PALLD: variants seen among roughly 807,000 people sequenced by gnomAD.
PALLD encodes the protein palladin.
PALLD carries 61 observed loss-of-function variants against 123.5 expected under a neutral mutation model. The ratio of observed to expected loss-of-function variants is 0.49; its 90% CI spans 0.40 to 0.61. PALLD has a LOEUF of 0.61. Among genes scored for constraint, PALLD ranks in the 20% least tolerant of loss-of-function variants. PALLD has a pLI of 0.00. For synonymous variants in PALLD, 465 were observed against 496.4 expected (o/e 0.94, Z 0.84); for missense variants, 1,273 against 1,377.0 (o/e 0.92, Z 1.20).
intron 2 of PALLD, among the ~76,000 whole-genome samples, chr4:168,620,213 T>A (rs968571805): frequency 2.7e-4 from 41 of 152,188 alleles, no homozygotes; most frequent in Non-Finnish European, 8.8e-5. Flanking sequence ...TCCCAGCACT[T>A]TGGGAGGCCA....
intron 2 of PALLD, among the ~76,000 whole-genome samples, chr4:168,633,294 T>G (rs974460842): frequency 1.3e-5 from 2 of 152,186 alleles, no homozygotes; most frequent in African/African-American, 4.8e-5. Context: ...ACTCTTACAT[T>G]TCCCCCCGCG....
intron 2 of PALLD, among the ~76,000 whole-genome samples, chr4:168,614,989 A>G (rs1347627375): frequency 1.3e-5 from 2 of 152,206 alleles, no homozygotes; most frequent in Non-Finnish European, 2.9e-5. Flanking sequence ...TACAAGGGAT[A>G]GCTAGAGCCA....
Position 168,718,150 on chromosome 4 carries a change from A to T in PALLD, c.1964+6227A>T, listed in dbSNP as rs376036511. The stretch of plus-strand genomic sequence containing the variant: ...CTCCAACGTGTGGCTTTGGCAATAG[A>T]ACTTACAAAGTTGAACATTATCCCG... On this transcript the variant is annotated intron_variant, in intron 10 of 21. Transcript: ENST00000505667. Among the ~76,000 whole-genome samples, 4 of 152,332 alleles carry T rather than the reference A, an allele frequency of 2.6e-5. No individual in the cohort carries two copies. The East Asian group carries it at 7.7e-4, about 29-fold the overall frequency.
At chr4:168,606,022 T>A (rs1773133135) in intron 2 of PALLD, among the ~76,000 whole-genome samples, 2 of 152,354 alleles carry the variant, frequency 1.3e-5, no homozygotes, top group Middle Eastern at 3.4e-3. Context: ...ATTGCTAAAG[T>A]ACCTTCTGTA....
At chr4:168,759,202 A>AAAAAAAAAAAATAT (rs1554077926) in intron 10 of PALLD, among the ~76,000 whole-genome samples, 2 of 22,308 alleles carry the variant, frequency 9.0e-5, no homozygotes, top group Non-Finnish European at 1.7e-4. Context: ...AAAAAAAAAA[A>AAAAAAAAAAAATAT]ATATATATAT....
intron 2 of PALLD, among the ~76,000 whole-genome samples, chr4:168,652,066 T>C (rs1346711360): frequency 6.6e-6 from 1 of 152,228 alleles, no homozygotes; most frequent in African/African-American, 2.4e-5. Context: ...GGTTAAAATG[T>C]TGAGGGGCAG....
At chr4:168,574,452 G>A (rs988260108) in intron 2 of PALLD, among the ~76,000 whole-genome samples, 4 of 151,962 alleles carry the variant, frequency 2.6e-5, no homozygotes, top group Non-Finnish European at 5.9e-5. Context: ...CCACTGTCAG[G>A]CCAGTTATAA....
chr4:168,534,604 C>A (rs1250301045), intron 2 of PALLD, among the ~76,000 whole-genome samples: 1 of 152,164 alleles, frequency 6.6e-6, no homozygotes, highest in Non-Finnish European at 1.5e-5. Context: ...GTTCCTTCAT[C>A]ATTTTTGGCT....
chr4:168,601,210 A>C (rs1030277052), intron 2 of PALLD, among the ~76,000 whole-genome samples: 13 of 152,162 alleles, frequency 8.5e-5, no homozygotes, highest in African/African-American at 2.7e-4. Flanking sequence ...ATTAGATTGC[A>C]CATAGAGGGA....
At chr4:168,639,644 C>T (rs1475452021) in intron 2 of PALLD, among the ~76,000 whole-genome samples, 1 of 151,620 alleles carries the variant, frequency 6.6e-6, no homozygotes, top group African/African-American at 2.4e-5. Flanking sequence ...CCCAGGTTCA[C>T]ACCATTCTCC....
At chr4:168,567,857 G>T (rs1399957436) in intron 2 of PALLD, among the ~76,000 whole-genome samples, 3 of 151,856 alleles carry the variant, frequency 2.0e-5, no homozygotes, top group Middle Eastern at 3.4e-3. Flanking sequence ...TACGCTATTT[G>T]GGTGATGGGT....
chr4:168,739,022 A>G (rs758755060), intron 10 of PALLD, among the ~76,000 whole-genome samples: 5 of 152,226 alleles, frequency 3.3e-5, no homozygotes, highest in South Asian at 2.1e-4. Flanking sequence ...GGAACATGCA[A>G]TATTTGTTTT....
At chr4:168,861,635 T>C (rs1749485689) in intron 10 of PALLD, among the ~76,000 whole-genome samples, 1 of 152,118 alleles carries the variant, frequency 6.6e-6, no homozygotes, top group African/African-American at 2.4e-5. Context: ...TGTTATAGTT[T>C]TAGATTCACA....
chr4:168,803,031 G>A (rs569707492), intron 10 of PALLD, among the ~76,000 whole-genome samples: 13 of 152,276 alleles, frequency 8.5e-5, no homozygotes, highest in Non-Finnish European at 1.5e-4. Flanking sequence ...AACAATAATA[G>A]GTGAATAGCA....
At chr4:168,840,213 G>A (rs1342336976) in intron 10 of PALLD, among the ~76,000 whole-genome samples, 4 of 152,038 alleles carry the variant, frequency 2.6e-5, no homozygotes, top group South Asian at 2.1e-4. Flanking sequence ...AACAGAGAAC[G>A]TTTGAGTACA....
At chr4:168,583,754 C>T (rs1236945812) in intron 2 of PALLD, among the ~76,000 whole-genome samples, 2 of 152,114 alleles carry the variant, frequency 1.3e-5, no homozygotes, top group Admixed American at 6.5e-5. Context: ...TTTTCTTTTC[C>T]TACCAATGTG....
rs201139546 is a variant in PALLD, at chr4:168,831,735, C to CA, written c.1965-59184dup. Among the ~76,000 whole-genome samples the CA allele has an allele frequency of 3.7e-3, 566 of 152,276 alleles. 2 individuals carry two copies. Among genetic ancestry groups the CA allele is most frequent in the African/African-American group, 0.013 (545 of 41,544 alleles). ...CTTTAGTCTGTAAAGGAAAAAAACA[C>CA]AAACACCGGAGGAGAATCATCCTAA... On this transcript the variant is annotated intron_variant, in intron 10 of 21. Coordinates refer to ENST00000505667, the MANE Select transcript of PALLD (RefSeq NM_001166108.2).
At chr4:168,870,196 A>G (rs914947948) in intron 10 of PALLD, among the ~76,000 whole-genome samples, 3 of 152,232 alleles carry the variant, frequency 2.0e-5, no homozygotes, top group Admixed American at 6.5e-5. Context: ...TACCACTGAA[A>G]TAGTTTCCAT....
At chr4:168,633,093 G>A (rs904252267) in intron 2 of PALLD, among the ~76,000 whole-genome samples, 1 of 152,178 alleles carries the variant, frequency 6.6e-6, no homozygotes, top group African/African-American at 2.4e-5. Flanking sequence ...TTGAATTCCT[G>A]TCCACATGAT....
Sources: allele counts gnomAD v4.1 joint callset (sites outside exome capture counted in the v4.1 genomes callset), GRCh38; gene constraint gnomAD v4.1.1; transcripts MANE v1.5; gene names NCBI Gene and HGNC (gene_info 2026-07-23, HGNC 2026-07-21).